The following DENND5B variants were observed in gnomAD, a reference collection of about 807,000 sequenced individuals.
DENND5B encodes the protein DENN domain-containing protein 5B.
DENND5B carries 34 observed loss-of-function variants against 140.6 expected under a neutral mutation model. That is an observed-to-expected ratio of 0.24 (90% CI 0.18 to 0.32). The LOEUF is 0.32. DENND5B is among the 10% of genes least tolerant of loss of function. The pLI, the probability that DENND5B is intolerant of heterozygous loss-of-function variation, is 1.00. For synonymous variants in DENND5B, 551 were observed against 562.1 expected (o/e 0.98, Z 0.28); for missense variants, 1,142 against 1,560.2 (o/e 0.73, Z 4.52).
At position 31,447,707 on chromosome 12, in the gene DENND5B, T is replaced by C. The variant is rs1204443409; in HGVS notation, c.1692A>G (p.Thr564=). Residue 564 remains threonine, a synonymous_variant, in exon 6 of 21, where the codon ACA becomes ACG. Transcript: ENST00000389082. The part of the protein sequence containing the change: ...YLPFLSRFIE[T]QMFATFIDNK... ...TATCAATAAAGGTGGCAAACATCTG[T>C]GTTTCAATGAAGCGTGAAAGAAATG... is the stretch of plus-strand genomic sequence containing the variant. 10 of 1,612,104 alleles carry C rather than the reference T, an allele frequency of 6.2e-6. No homozygotes were observed. The highest frequency in any genetic ancestry group is 2.7e-5 in the African/African-American group (2 of 75,004).
intron 8 of DENND5B, among the ~76,000 whole-genome samples, chr12:31,431,295 G>A (rs929052765): frequency 3.3e-5 from 5 of 152,182 alleles, no homozygotes; most frequent in African/African-American, 7.2e-5. Flanking sequence ...AACTTGTGAA[G>A]AGAAGACCAT....
At chr12:31,410,699 C>A (rs758540774) in intron 13 of DENND5B, among the ~76,000 whole-genome samples, 5 of 152,064 alleles carry the variant, frequency 3.3e-5, no homozygotes, top group Non-Finnish European at 5.9e-5. Context: ...GCCACCACAC[C>A]CAGCCTAGTG....
chr12:31,447,845 T>C, intron 5 of DENND5B, 76 bp from the exon 6 acceptor site: 1 of 999,364 alleles, frequency 1.0e-6, no homozygotes, highest in Non-Finnish European at 1.5e-6. Context: ...GAAAATTATG[T>C]TAACTCAGGA....
chr12:31,439,147 C>T lies in DENND5B; in HGVS notation c.2012+3628G>A, dbSNP rs1293323103. On this transcript the variant is annotated intron_variant, in intron 7 of 20. Transcript: ENST00000389082. ...AGCATAATTTTACCAATGATAATCACAATTGCTGAAATACTAAAGACTGCT... is the reference window on the plus strand; with the variant it reads ...AGCATAATTTTACCAATGATAATCATAATTGCTGAAATACTAAAGACTGCT... 3.3e-5 allele frequency among the ~76,000 whole-genome samples: 5 copies of T among 152,328 alleles called. No individual in the cohort carries two copies. The South Asian group carries it at 8.3e-4, about 25-fold the overall frequency.
chr12:31,463,046 T>G, intron 3 of DENND5B, among the ~76,000 whole-genome samples: 1 of 152,148 alleles, frequency 6.6e-6, no homozygotes, highest in East Asian at 1.9e-4. Context: ...GAGAATCACC[T>G]GAGGCCAGGA....
intron 1 of DENND5B, among the ~76,000 whole-genome samples, chr12:31,520,327 G>T (rs1947830111): frequency 6.6e-6 from 1 of 152,142 alleles, no homozygotes; most frequent in South Asian, 2.1e-4. Context: ...AATATGGGAA[G>T]ACAATTTTGC....
At chr12:31,574,487 G>A (rs1428688766) in intron 1 of DENND5B, among the ~76,000 whole-genome samples, 3 of 151,970 alleles carry the variant, frequency 2.0e-5, no homozygotes, top group Admixed American at 2.0e-4. Context: ...CTACTCGAGA[G>A]GCTGAGGCAG....
At chr12:31,414,921 CAA>C (rs34987633) in intron 12 of DENND5B, among the ~76,000 whole-genome samples, 19 of 109,590 alleles carry the variant, frequency 1.7e-4, no homozygotes, top group African/African-American at 3.3e-4. Context: ...GACGCCATCT[CAA>C]AAAAAAAAAA....
intron 1 of DENND5B, among the ~76,000 whole-genome samples, chr12:31,545,680 G>A (rs757893207): frequency 5.3e-5 from 8 of 151,952 alleles, no homozygotes; most frequent in South Asian, 2.1e-4. Flanking sequence ...TGGGCCAGGC[G>A]CGGTGGCTCA....
At chr12:31,590,005 G>A (rs1255532779) in intron 1 of DENND5B, 2 of 152,308 alleles carry the variant, frequency 1.3e-5, no homozygotes, top group African/African-American at 4.8e-5. Context: ...GCACCCAACT[G>A]AATTTAAACT....
At chr12:31,400,068 A>T (rs1282677163) in intron 15 of DENND5B, among the ~76,000 whole-genome samples, 1 of 152,238 alleles carries the variant, frequency 6.6e-6, no homozygotes, top group African/African-American at 2.4e-5. Context: ...AGTTACTTCT[A>T]CTTGGGGAAC....
intron 1 of DENND5B, among the ~76,000 whole-genome samples, chr12:31,550,932 G>C (rs915301704): frequency 2.6e-4 from 39 of 152,072 alleles, no homozygotes; most frequent in African/African-American, 8.9e-4. Context: ...TTGTAAATTT[G>C]TTTGAGTTCA....
At chr12:31,495,528 G>C (rs1038381113) in intron 2 of DENND5B, among the ~76,000 whole-genome samples, 1 of 151,784 alleles carries the variant, frequency 6.6e-6, no homozygotes, top group Non-Finnish European at 1.5e-5. Flanking sequence ...ACAGGCATGT[G>C]CCACCACACC....
At chr12:31,433,843 A>ACT (rs58015216) in intron 7 of DENND5B, among the ~76,000 whole-genome samples, 140,197 of 152,020 alleles carry the variant, frequency 0.92, 65,236 homozygotes, top group East Asian at 0.99. Context: ...ACATAGTGAG[A>ACT]CTGTCTCTAC....
chr12:31,534,783 T>TAGG (rs1288970319), intron 1 of DENND5B: 1 of 430,552 alleles, frequency 2.3e-6, no homozygotes, highest in Non-Finnish European at 4.6e-6. Context: ...CTTGTCCTCC[T>TAGG]GGCAATATCA....
intron 1 of DENND5B, among the ~76,000 whole-genome samples, chr12:31,520,500 G>A (rs1263017178): frequency 6.6e-6 from 1 of 152,154 alleles, no homozygotes; most frequent in Non-Finnish European, 1.5e-5. Context: ...TTAATAGAAA[G>A]ATAATGTGAA....
At position 31,479,382 on chromosome 12, in the gene DENND5B, C is replaced by T. The variant is rs546492063; in HGVS notation, c.904+207G>A. On this transcript the variant is annotated intron_variant, in intron 3 of 20. Coordinates refer to ENST00000389082, the MANE Select transcript of DENND5B (RefSeq NM_144973.4). ...GCCAAGTTAACACTTGTGTTCCTTC[C>T]TATTTCTCTCTGCAGTCACTGACTG... Among the ~76,000 whole-genome samples the T allele has an allele frequency of 3.9e-5, 6 of 152,280 alleles. No individual in the cohort carries two copies. In the East Asian group the frequency reaches 1.2e-3, roughly 29 times the overall value.
Position 31,547,886 on chromosome 12 carries a change from A to C in DENND5B, c.127+42820T>G, listed in dbSNP as rs570573133. Among the ~76,000 whole-genome samples the C allele has an allele frequency of 1.1e-3, 167 of 152,010 alleles. 1 individual carries two copies. The highest frequency in any genetic ancestry group is 3.8e-3 in the African/African-American group (159 of 41,508). ...AGCCTGGTTACTTTTTTGTATTTTT[A>C]GTAGAGGCAGGGTTTCACCATGTTG... On this transcript the variant is annotated intron_variant, in intron 1 of 20. Transcript: ENST00000389082.
intron 7 of DENND5B, among the ~76,000 whole-genome samples, chr12:31,442,480 T>C (rs990556455): frequency 1.3e-5 from 2 of 152,090 alleles, no homozygotes; most frequent in African/African-American, 4.8e-5. Flanking sequence ...TTCCATTAGA[T>C]AGTATTATCA....
Sources: allele counts gnomAD v4.1 joint callset (sites outside exome capture counted in the v4.1 genomes callset), GRCh38; gene constraint gnomAD v4.1.1; transcripts MANE v1.5; gene names NCBI Gene and HGNC (gene_info 2026-07-23, HGNC 2026-07-21).